MSI2: variants seen among roughly 807,000 people sequenced by gnomAD.
MSI2 encodes the protein musashi RNA binding protein 2, also known as RNA-binding protein Musashi homolog 2.
A neutral mutation model predicts 45.6 loss-of-function variants in MSI2; 17 were observed. That is an observed-to-expected ratio of 0.37 (90% CI 0.26 to 0.56). MSI2 has a LOEUF of 0.56. Among genes scored for constraint, MSI2 ranks in the 20% least tolerant of loss-of-function variants. MSI2 has a pLI of 0.77. For synonymous variants in MSI2, 156 were observed against 158.2 expected (o/e 0.99, Z 0.11); for missense variants, 293 against 444.2 (o/e 0.66, Z 3.06).
intron 7 of MSI2, among the ~76,000 whole-genome samples, chr17:57,555,762 T>A (rs1191172391): frequency 6.6e-6 from 1 of 152,206 alleles, no homozygotes; most frequent in East Asian, 1.9e-4. Context: ...AGAAGAGTGA[T>A]GGTGTTTATC....
At chr17:57,557,466 A>G (rs1318126622) in intron 7 of MSI2, among the ~76,000 whole-genome samples, 1 of 152,184 alleles carries the variant, frequency 6.6e-6, no homozygotes, top group African/African-American at 2.4e-5. Context: ...TTTGGAATGA[A>G]TTTGGCAATG....
chr17:57,407,746 G>A lies in MSI2; in HGVS notation c.405+6275G>A, dbSNP rs78730648. 2.4e-3 allele frequency among the ~76,000 whole-genome samples: 368 copies of A among 152,292 alleles called. 4 individuals are homozygous for A. Among genetic ancestry groups the A allele is most frequent in the African/African-American group, 8.4e-3 (351 of 41,548 alleles). On this transcript the variant is annotated intron_variant, in intron 6 of 13. Transcript: ENST00000284073. This position sits in a 1 kb window ranked among gnomAD's most constrained non-coding sequence, Gnocchi z 4.1. ...CTGGACCAGGAAGGACCATGCGCAC[G>A]CTCTTCCCTGGCTGAAGGCTACTTT...
In MSI2 at chr17:57,631,487, C is replaced by G. The variant is rs184499331; in HGVS notation, c.727+4184C>G. 18 of 323,118 alleles carry G rather than the reference C, an allele frequency of 5.6e-5. No individual in the cohort carries two copies. The East Asian group carries it at 1.0e-3, about 19-fold the overall frequency. 20.0% of individuals were successfully genotyped at this position (323,118 alleles called of 1,614,324 possible). A position where few individuals can be genotyped will look rare whatever the true frequency, so the allele number is the denominator to read the frequency against. On this transcript the variant is annotated intron_variant, in intron 10 of 13. Transcript: ENST00000284073. ...CCACACAGCTGGTGGCAAGTGGCAC[C>G]TGGCTGTGCCCATCTTCAGAATTCT...
intron 5 of MSI2, among the ~76,000 whole-genome samples, chr17:57,374,631 A>G (rs988006007): frequency 6.6e-6 from 1 of 151,972 alleles, no homozygotes; most frequent in Admixed American, 6.6e-5. Flanking sequence ...ACAAAAAATT[A>G]GCTGGGCATG....
Position 57,428,131 on chromosome 17 carries a change from A to G in MSI2, c.405+26660A>G, listed in dbSNP as rs981591239. ...ATGTTAGTGGTTCTCAAATTTGGCTATATATTATAATGATCTAAAGAGCTT... is the reference window on the plus strand; with the variant it reads ...ATGTTAGTGGTTCTCAAATTTGGCTGTATATTATAATGATCTAAAGAGCTT... On this transcript the variant is annotated intron_variant, in intron 6 of 13. Transcript: ENST00000284073. Among the ~76,000 whole-genome samples the G allele has an allele frequency of 7.9e-5, 12 of 152,222 alleles. No homozygotes were observed. The East Asian group carries it at 1.2e-3, about 15-fold the overall frequency.
chr17:57,441,194 C>T (rs1036847052), intron 6 of MSI2, among the ~76,000 whole-genome samples: 4 of 152,192 alleles, frequency 2.6e-5, no homozygotes, highest in African/African-American at 9.7e-5. Context: ...CCTGGTGACT[C>T]ATGAGGACAA....
chr17:57,388,058 G>C (rs1271119589), intron 5 of MSI2, among the ~76,000 whole-genome samples: 2 of 152,326 alleles, frequency 1.3e-5, no homozygotes, highest in African/African-American at 4.8e-5. Flanking sequence ...CACTGGGATT[G>C]GAACCTGGCC....
rs118180111 is a variant in MSI2 at position 57,558,195 on chromosome 17, C to A, written c.454+28471C>A. ...AAATTCCACGCCGTTATGGTCTCAGCGTATTAGGCGCCTCTGTAATTGCAC... is the reference window on the plus strand; with the variant it reads ...AAATTCCACGCCGTTATGGTCTCAGAGTATTAGGCGCCTCTGTAATTGCAC... On this transcript the variant is annotated intron_variant, in intron 7 of 13. Transcript: ENST00000284073. 2.1e-3 allele frequency among the ~76,000 whole-genome samples: 321 copies of A among 152,266 alleles called. 6 individuals are homozygous for A. The highest frequency in any genetic ancestry group is 0.02 in the East Asian group (106 of 5,182).
At chr17:57,463,008 C>T (rs1483784081) in intron 6 of MSI2, among the ~76,000 whole-genome samples, 1 of 152,232 alleles carries the variant, frequency 6.6e-6, no homozygotes, top group Non-Finnish European at 1.5e-5. Flanking sequence ...GGGCCCCTTC[C>T]ACCACAGGTC....
rs528936079 is a variant in MSI2 at position 57,292,913 on chromosome 17, A to T, written c.312+30721A>T. 2.0e-5 allele frequency among the ~76,000 whole-genome samples: 3 copies of T among 152,302 alleles called. No individual in the cohort carries two copies. In the South Asian group the frequency reaches 6.2e-4, roughly 32 times the overall value. On this transcript the variant is annotated intron_variant, in intron 5 of 13. Transcript: ENST00000284073. The stretch of plus-strand genomic sequence containing the variant: ...CCACTTTAAGAAAACCCGCTAGACG[A>T]AAACCCTGACTTTTGGAGTAAGATT...
chr17:57,525,286 G>T (rs186958768), intron 6 of MSI2, among the ~76,000 whole-genome samples: 13 of 150,042 alleles, frequency 8.7e-5, no homozygotes, highest in Admixed American at 2.0e-4. Context: ...GGGGGCAGGT[G>T]GGGGAGGTTG....
At chr17:57,385,173 C>A (rs528601404) in intron 5 of MSI2, among the ~76,000 whole-genome samples, 1 of 152,304 alleles carries the variant, frequency 6.6e-6, no homozygotes, top group South Asian at 2.1e-4. Flanking sequence ...TACAGAATAA[C>A]CTATCTAAAA....
intron 5 of MSI2, among the ~76,000 whole-genome samples, chr17:57,328,730 A>T (rs1262570309): frequency 3.3e-5 from 5 of 150,636 alleles, no homozygotes; most frequent in African/African-American, 1.2e-4. Flanking sequence ...ATCTTTGAAG[A>T]GTCTTTTTTT....
intron 5 of MSI2, chr17:57,266,921 C>A (rs561728659): frequency 7.2e-5 from 11 of 152,506 alleles, no homozygotes; most frequent in African/African-American, 2.6e-4. Context: ...CCTGTCTTGT[C>A]CTCTGACGTG....
At chr17:57,305,801 T>C (rs59638977) in intron 5 of MSI2, among the ~76,000 whole-genome samples, 6,890 of 152,238 alleles carry the variant, frequency 0.045, 339 homozygotes, top group East Asian at 0.18. Flanking sequence ...TTTATCCTTT[T>C]CTTCCGCTTA....
chr17:57,473,761 C>T (rs1036204269), intron 6 of MSI2, among the ~76,000 whole-genome samples: 2 of 152,140 alleles, frequency 1.3e-5, no homozygotes, highest in Non-Finnish European at 2.9e-5. Flanking sequence ...TGGACAGGTG[C>T]CGAGGGATGG....
At chr17:57,401,029 G>A (rs1451147656) in intron 5 of MSI2, among the ~76,000 whole-genome samples, 1 of 152,200 alleles carries the variant, frequency 6.6e-6, no homozygotes, top group Non-Finnish European at 1.5e-5. Context: ...CAGTTTTTAT[G>A]CATTTGGGTC....
At chr17:57,334,745 G>A (rs1331969904) in intron 5 of MSI2, among the ~76,000 whole-genome samples, 1 of 151,694 alleles carries the variant, frequency 6.6e-6, no homozygotes, top group Non-Finnish European at 1.5e-5. Context: ...AGTGAGCCAA[G>A]ATTGTGCCAT....
downstream of MSI2, among the ~76,000 whole-genome samples, chr17:57,685,832 A>G (rs1260879765): frequency 2.6e-5 from 4 of 152,218 alleles, no homozygotes; most frequent in African/African-American, 9.6e-5. Flanking sequence ...AATCCCTTTT[A>G]GGAATCCTGA....
Sources: gnomAD v4.1 joint callset for allele counts (sites outside exome capture counted in the v4.1 genomes callset) on GRCh38, gnomAD v4.1.1 for gene constraint, Gnocchi (gnomAD v3.1) non-coding constraint, MANE v1.5 for transcripts, NCBI Gene and HGNC (gene_info 2026-07-23, HGNC 2026-07-21) for gene names.